PWWP3A: variants seen among roughly 807,000 people sequenced by gnomAD.
The protein encoded by PWWP3A is PWWP domain-containing DNA repair factor 3A.
A neutral mutation model predicts 79.0 loss-of-function variants in PWWP3A; 53 were observed. The observed-to-expected ratio is 0.67, with a 90% confidence interval of 0.54 to 0.84. The LOEUF is 0.84. PWWP3A is among the 40% of genes least tolerant of loss of function. The pLI is 0.00. For missense variants in PWWP3A, 973 were observed against 948.0 expected, an observed-to-expected ratio of 1.03 and a Z score of -0.35; for synonymous variants, 443 against 394.4, an observed-to-expected ratio of 1.12 and a Z score of -1.46.
chr19:1,365,828 C>G (rs2668417), intron 7 of PWWP3A, among the ~76,000 whole-genome samples: 111,570 of 152,212 alleles, frequency 0.73, 41,098 homozygotes, highest in Middle Eastern at 0.83. Flanking sequence ...CTGGTCGCCA[C>G]TGCTCCTCAC....
intron 13 of PWWP3A, among the ~76,000 whole-genome samples, chr19:1,375,497 A>T (rs1324983878): frequency 2.1e-5 from 1 of 46,576 alleles, no homozygotes; most frequent in Non-Finnish European, 4.2e-5. Context: ...AAAATATATA[A>T]ATTTTATATA....
chr19:1,356,217 C>A, intron 1 of PWWP3A, 107 bp from the exon 2 acceptor site: 146 of 537,854 alleles, frequency 2.7e-4, no homozygotes, highest in Middle Eastern at 3.7e-4. Context: ...TGGAATTAAA[C>A]CATCTACTTG....
At chr19:1,361,580 A>G (rs1259794682) in intron 5 of PWWP3A, among the ~76,000 whole-genome samples, 4 of 152,210 alleles carry the variant, frequency 2.6e-5, no homozygotes, top group Admixed American at 2.6e-4. Flanking sequence ...CTTAATTACC[A>G]CATGATCAAA....
intron 13 of PWWP3A, among the ~76,000 whole-genome samples, chr19:1,375,416 A>G (rs932214332): frequency 1.0e-5 from 1 of 99,856 alleles, no homozygotes; most frequent in African/African-American, 4.0e-5. Context: ...AATATATATT[A>G]TATATATAAA....
chr19:1,365,157 G>T (rs1372592932), intron 7 of PWWP3A, among the ~76,000 whole-genome samples: 2 of 152,172 alleles, frequency 1.3e-5, no homozygotes, highest in Non-Finnish European at 2.9e-5. Context: ...ATTGTGATTT[G>T]CTCATTTTAA....
chr19:1,370,407 C>CT (rs2082226035), intron 11 of PWWP3A, among the ~76,000 whole-genome samples: 1 of 152,166 alleles, frequency 6.6e-6, no homozygotes, highest in Non-Finnish European at 1.5e-5. Context: ...GCGCTTTTCT[C>CT]TGCTATAAGG....
chr19:1,368,184 A>C lies in PWWP3A; in HGVS notation c.1422+964A>C, dbSNP rs1019575803. ...ATGATCCGCCTGCCTCAGCCTCTCA[A>C]AGTGCTGGGATTACAGGTGTGAGCC... On this transcript the variant is annotated intron_variant, in intron 9 of 13. Transcript: ENST00000591337. The surrounding 1 kb of genome is among the most constrained non-coding windows in gnomAD (Gnocchi z 4.7). 6.6e-6 allele frequency among the ~76,000 whole-genome samples: 1 copy of C among 152,182 alleles called. No homozygotes were observed. Among genetic ancestry groups the C allele is most frequent in the Non-Finnish European group, 1.5e-5 (1 of 68,032 alleles).
intron 9 of PWWP3A, among the ~76,000 whole-genome samples, chr19:1,367,477 G>A (rs1363575859): frequency 3.3e-5 from 5 of 152,216 alleles, no homozygotes; most frequent in African/African-American, 2.4e-5. Flanking sequence ...GGGCTCCGGC[G>A]AGGACAGTTT....
In PWWP3A at chr19:1,357,044, GAGA is replaced by G; in HGVS notation, c.98_100del (p.Arg33del). The stretch of plus-strand genomic sequence containing the variant: ...GAACCGCGACTTCAACAAAAAATAA[GAGA>G]AGAAAGGAATATTTTCTAGCTGTGC... On this transcript the variant is annotated inframe_deletion, in exon 3 of 14. Coordinates refer to ENST00000591337, the MANE Select transcript of PWWP3A (RefSeq NM_001369789.1). 1 of 1,613,416 alleles carries G rather than the reference GAGA, an allele frequency of 6.2e-7. No homozygotes were observed. The highest frequency in any genetic ancestry group is 8.5e-7 in the Non-Finnish European group (1 of 1,179,842).
intron 6 of PWWP3A, among the ~76,000 whole-genome samples, chr19:1,363,691 ATTGT>A (rs770286338): frequency 7.9e-5 from 12 of 152,182 alleles, no homozygotes; most frequent in South Asian, 2.1e-4. Flanking sequence ...CTCTGAATTG[ATTGT>A]TTGTCCACGT....
At chr19:1,362,052 C>T (rs1398357970) in intron 5 of PWWP3A, 198 bp from the exon 6 acceptor site, 2 of 414,200 alleles carry the variant, frequency 4.8e-6, no homozygotes, top group African/African-American at 2.0e-5. Context: ...TCCCTCCTTC[C>T]CTCCTTCCCT....
rs149177415 is a variant in PWWP3A, at chr19:1,360,734, C to T, written c.813C>T (p.His271=). The part of the protein sequence containing the change: ...EDDPCANAEG[H]DPGLPLGSLT... ...ATCCCTGTGCCAACGCTGAGGGACA[C>T]GACCCCGGTCTGCCGTTGGGCAGCC... The change falls in exon 5 of 14, where the codon CAC becomes CAT. Residue 271 remains histidine (H), a synonymous_variant. Coordinates refer to ENST00000591337, the MANE Select transcript of PWWP3A (RefSeq NM_001369789.1). The surrounding 1 kb of genome is among the most constrained non-coding windows in gnomAD (Gnocchi z 4.4). The T allele has an allele frequency of 4.8e-5, 78 of 1,612,790 alleles. No individual in the cohort carries two copies. The African/African-American group carries it at 7.9e-4, about 16-fold the overall frequency.
At position 1,369,103 on chromosome 19, in the gene PWWP3A, G is replaced by A. The variant is rs889405627; in HGVS notation, c.1423-162G>A. 1.3e-5 allele frequency: 8 copies of A among 632,364 alleles called. No homozygotes were observed. Among genetic ancestry groups the A allele is most frequent in the Non-Finnish European group, 1.7e-5 (6 of 350,092 alleles). 39.2% of individuals were successfully genotyped at this position (632,364 alleles called of 1,614,324 possible). A position where few individuals can be genotyped will look rare whatever the true frequency, so the allele number is the denominator to read the frequency against. ...CCCATTTACCAGAGGGTCCCTGTGC[G>A]AGGCGTCTGCCAGAGCCCCCTTTGT... On this transcript the variant is annotated intron_variant, in intron 9 of 13. Transcript: ENST00000591337. This position sits in a 1 kb window ranked among gnomAD's most constrained non-coding sequence, Gnocchi z 4.0.
At chr19:1,373,743 G>T (rs1328574210) in intron 13 of PWWP3A, 3 of 153,114 alleles carry the variant, frequency 2.0e-5, no homozygotes, top group African/African-American at 7.2e-5. Context: ...CGGCCAGGGT[G>T]GCTTGCGCAG....
At chr19:1,365,533 C>T (rs554956166) in intron 7 of PWWP3A, among the ~76,000 whole-genome samples, 3 of 152,350 alleles carry the variant, frequency 2.0e-5, no homozygotes, top group Non-Finnish European at 2.9e-5. Flanking sequence ...TCCGGGAAAC[C>T]GGGGATTGAA....
rs1347486978 is a variant in PWWP3A at position 1,369,490 on chromosome 19, T to C, written c.1499-106T>C. ...CTGTGGGTGGGCTGGGGTTCTGGCC[T>C]GGCCTGATTATTTCCTAAACAGAGA... is the stretch of plus-strand genomic sequence containing the variant. On this transcript the variant is annotated intron_variant, in intron 10 of 13. Transcript: ENST00000591337. The surrounding 1 kb of genome is among the most constrained non-coding windows in gnomAD (Gnocchi z 4.0). The C allele has an allele frequency of 6.6e-7, 1 of 1,514,650 alleles. No individual in the cohort carries two copies. The highest frequency in any genetic ancestry group is 1.4e-5 in the African/African-American group (1 of 72,694). The allele number at this position is 1,514,650 out of a possible 1,614,324, so 93.8% of individuals were successfully genotyped here. A position where few individuals can be genotyped will look rare whatever the true frequency, so the allele number is the denominator to read the frequency against.
rs768182483 is a variant in PWWP3A at position 1,369,613 on chromosome 19, G to C, written c.1516G>C (p.Gly506Arg). ...RVRLGCGSFAGSFLEYYAADI... is the reference protein window; with the variant it reads ...RVRLGCGSFARSFLEYYAADI... ...CCCTGCAGGCTGCGGGTCTTTTGCT[G>C]GCTCTTTCCTGGAATATTACGCGGC... is the stretch of plus-strand genomic sequence containing the variant. The change falls in exon 11 of 14, where the codon GGC (glycine) becomes CGC (arginine). Residue 506 changes from glycine to arginine, a missense_variant. Gly to Arg is a moderately radical substitution (Grantham distance 125, BLOSUM62 -2). Transcript: ENST00000591337. The surrounding 1 kb of genome is among the most constrained non-coding windows in gnomAD (Gnocchi z 4.0). 20 of 1,614,226 alleles carry C rather than the reference G, an allele frequency of 1.2e-5. No homozygotes were observed. The Admixed American group carries it at 3.3e-4, about 27-fold the overall frequency.
rs1300995707 is a variant in PWWP3A, at chr19:1,376,780, T to G, written c.*204T>G. Reference sequence around the variant, plus strand: ...AAGCCAGTTCTCTTTTCCTGGCAGTTTTTTTCATTTTATTTTTGGCATTTT... The same window carrying G: ...AAGCCAGTTCTCTTTTCCTGGCAGTGTTTTTCATTTTATTTTTGGCATTTT... On this transcript the variant is annotated 3_prime_UTR_variant, in exon 14 of 14. Coordinates refer to ENST00000591337, the MANE Select transcript of PWWP3A (RefSeq NM_001369789.1). 4 of 493,150 alleles carry G rather than the reference T, an allele frequency of 8.1e-6. No individual in the cohort carries two copies. Among genetic ancestry groups the G allele is most frequent in the Non-Finnish European group, 1.4e-5 (4 of 278,942 alleles). The allele number at this position is 493,150 out of a possible 1,614,324, so 30.5% of individuals were successfully genotyped here.
At chr19:1,375,474 T>A (rs1161222345) in intron 13 of PWWP3A, among the ~76,000 whole-genome samples, 1 of 131,962 alleles carries the variant, frequency 7.6e-6, no homozygotes, top group Non-Finnish European at 1.6e-5. Context: ...TATATAAAAT[T>A]TATATATTAT....
Sources: gnomAD v4.1 joint callset for allele counts (sites outside exome capture counted in the v4.1 genomes callset) on GRCh38, gnomAD v4.1.1 for gene constraint, Gnocchi (gnomAD v3.1) non-coding constraint, MANE v1.5 for transcripts, NCBI Gene and HGNC (gene_info 2026-07-23, HGNC 2026-07-21) for gene names.